TRANK1: variants seen among roughly 807,000 people sequenced by gnomAD.
The protein encoded by TRANK1 is TPR and ankyrin repeat-containing protein 1.
A neutral mutation model predicts 266.0 loss-of-function variants in TRANK1; 198 were observed. That is an observed-to-expected ratio of 0.74 (90% CI 0.66 to 0.84). The LOEUF (loss-of-function observed/expected upper bound fraction) is 0.84, where lower values mean the gene tolerates loss of function less well. TRANK1 is among the 40% of genes least tolerant of loss of function. TRANK1 has a pLI of 0.00. For synonymous variants in TRANK1, 1,396 were observed against 1,384.1 expected (o/e 1.01, Z -0.19); for missense variants, 3,326 against 3,634.6 (o/e 0.92, Z 2.18).
chr3:36,879,709 A>G (rs1310552914), intron 8 of TRANK1, among the ~76,000 whole-genome samples: 1 of 99,662 alleles, frequency 1.0e-5, no homozygotes, highest in Non-Finnish European at 1.8e-5. Flanking sequence ...TATAAATATA[A>G]ATATATAAAT....
In TRANK1 at chr3:36,942,482, C is replaced by CAAAAA. The variant is rs565174922; in HGVS notation, c.23+2300_23+2304dup. Among the ~76,000 whole-genome samples, 167 of 79,822 alleles carry CAAAAA rather than the reference C, an allele frequency of 2.1e-3. 4 individuals carry two copies. The highest frequency in any genetic ancestry group is 3.9e-3 in the African/African-American group (84 of 21,792). The allele number at this position is 79,822 out of a possible 152,430, so 52.4% of individuals were successfully genotyped here. On this transcript the variant is annotated intron_variant, in intron 1 of 23. Coordinates refer to ENST00000645898, the MANE Select transcript of TRANK1 (RefSeq NM_001329998.2). The stretch of plus-strand genomic sequence containing the variant: ...TGCAGCATCTTCCCTTCTTCTTCCT[C>CAAAAA]AAAAAAAAAAAAAAAAAAAAAAAAG...
At position 36,833,612 on chromosome 3, in the gene TRANK1, A is replaced by G; in HGVS notation, c.5971T>C (p.Cys1991Arg). The G allele has an allele frequency of 6.2e-7, 1 of 1,613,918 alleles. No homozygotes were observed. Among genetic ancestry groups the G allele is most frequent in the Non-Finnish European group, 8.5e-7 (1 of 1,179,858 alleles). ...LTADKDFQASCLLGAARLNVA... is the reference protein window; with the variant it reads ...LTADKDFQASRLLGAARLNVA... ...TTGAGGCGGGCGGCCCCCAGCAGAC[A>G]TGAGGCCTGGAAGTCCTTGTCGGCA... The change falls in exon 22 of 24, where the codon TGT becomes CGT. Residue 1991 changes from cysteine (C) to arginine (R), a missense_variant. Cys to Arg is a radical substitution (Grantham distance 180). Transcript: ENST00000645898.
rs993111158 is a variant in TRANK1, at chr3:36,857,128, T to G, written c.2594A>C (p.Gln865Pro). ...IKKKIILAIQ[Q>P]LGNGEWTQGL... ...CTGGGTCCACTCGCCATTTCCCAGC[T>G]GCTGAATGGCAAGGATGATTTTCTT... Residue 865 changes from glutamine to proline, a missense_variant, in exon 13 of 24, where the codon CAG becomes CCG. Coordinates refer to ENST00000645898, the MANE Select transcript of TRANK1 (RefSeq NM_001329998.2). This position sits in a 1 kb window ranked among gnomAD's most constrained non-coding sequence, Gnocchi z 4.3. 11 of 1,614,022 alleles carry G rather than the reference T, an allele frequency of 6.8e-6. No homozygotes were observed. Among genetic ancestry groups the G allele is most frequent in the Non-Finnish European group, 7.6e-6 (9 of 1,179,892 alleles).
intron 20 of TRANK1, among the ~76,000 whole-genome samples, chr3:36,837,004 C>T (rs2078779075): frequency 6.6e-6 from 1 of 152,234 alleles, no homozygotes; most frequent in Admixed American, 6.5e-5. Flanking sequence ...CAAGGCCCTA[C>T]TGATCTGGCC....
At chr3:36,885,701 A>AT (rs761808034) in intron 8 of TRANK1, among the ~76,000 whole-genome samples, 59 of 151,862 alleles carry the variant, frequency 3.9e-4, no homozygotes, top group Admixed American at 1.5e-3. Context: ...CACCCAGCTA[A>AT]TTTTTTTATG....
intron 1 of TRANK1, among the ~76,000 whole-genome samples, chr3:36,915,552 A>G (rs2080112559): frequency 6.6e-6 from 1 of 152,174 alleles, no homozygotes; most frequent in Non-Finnish European, 1.5e-5. Context: ...TATTATTCAT[A>G]TAGCATCTAC....
At chr3:36,918,639 G>GAAAGAAAGAAAGAAAGAA (rs373479495) in intron 1 of TRANK1, among the ~76,000 whole-genome samples, 9 of 129,924 alleles carry the variant, frequency 6.9e-5, no homozygotes, top group African/African-American at 2.1e-4. Flanking sequence ...AAGAAAGAAA[G>GAAAGAAAGAAAGAAAGAA]AGAAAGAAAG....
intron 1 of TRANK1, among the ~76,000 whole-genome samples, chr3:36,918,651 G>GAAAGAA (rs2080172635): frequency 2.7e-5 from 4 of 147,404 alleles, no homozygotes; most frequent in African/African-American, 5.1e-5. Flanking sequence ...GAAAGAAAGA[G>GAAAGAA]AGAGAGAGAA....
At chr3:36,843,002 G>T (rs1398486478) in intron 17 of TRANK1, among the ~76,000 whole-genome samples, 2 of 152,232 alleles carry the variant, frequency 1.3e-5, no homozygotes, top group Non-Finnish European at 2.9e-5. Flanking sequence ...GAAAGACCAC[G>T]TGAGGACACA....
upstream of TRANK1, among the ~76,000 whole-genome samples, chr3:36,945,491 G>A (rs1007223726): frequency 4.6e-5 from 7 of 152,170 alleles, no homozygotes; most frequent in Non-Finnish European, 1.0e-4. Context: ...CTCTGGGGAG[G>A]CTGGGGGTCC....
At chr3:36,907,114 C>T (rs982931321) in intron 2 of TRANK1, among the ~76,000 whole-genome samples, 1 of 152,106 alleles carries the variant, frequency 6.6e-6, no homozygotes, top group African/African-American at 2.4e-5. Context: ...GGAAAATATA[C>T]TTTAAAAATA....
In TRANK1 at chr3:36,944,981, C is replaced by A; in HGVS notation, c.-172G>T. On this transcript the variant is annotated 5_prime_UTR_variant, in exon 1 of 24. Transcript: ENST00000645898. ...CCCCAGCTGCCTGCGGCTCGGCTAC[C>A]CAGCCGCGATCAGAGGGGGCGGGGG... 1 of 562,898 alleles carries A rather than the reference C, an allele frequency of 1.8e-6. No individual in the cohort carries two copies. Among genetic ancestry groups the A allele is most frequent in the South Asian group, 3.2e-5 (1 of 31,366 alleles). The allele number at this position is 562,898 out of a possible 1,614,324, so 34.9% of individuals were successfully genotyped here.
chr3:36,859,280 T>A (rs1222004060), intron 11 of TRANK1, among the ~76,000 whole-genome samples: 1 of 151,974 alleles, frequency 6.6e-6, no homozygotes, highest in African/African-American at 2.4e-5. Flanking sequence ...CTTTTTTTTT[T>A]TTTTAATACT....
intron 4 of TRANK1, 64 bp from the exon 5 acceptor site, chr3:36,895,822 G>T (rs1281284018): frequency 4.5e-6 from 5 of 1,105,674 alleles, no homozygotes; most frequent in Non-Finnish European, 3.8e-6. Context: ...TTTGGGAAAA[G>T]GTCCTCCAAT....
chr3:36,922,151 A>AAAT (rs1212199159), intron 1 of TRANK1, among the ~76,000 whole-genome samples: 5 of 151,906 alleles, frequency 3.3e-5, no homozygotes, highest in Admixed American at 6.6e-5. Context: ...ATCTCAATAA[A>AAAT]AATAATAATA....
intron 5 of TRANK1, 39 bp downstream of exon 5, chr3:36,895,601 A>G: frequency 7.9e-7 from 1 of 1,264,180 alleles, no homozygotes; most frequent in Non-Finnish European, 1.1e-6. Context: ...TTTCATCAAG[A>G]ATGTACTCTC....
intron 16 of TRANK1, among the ~76,000 whole-genome samples, chr3:36,846,675 AT>A (rs1358786279): frequency 1.3e-5 from 2 of 151,902 alleles, no homozygotes; most frequent in Admixed American, 6.6e-5. Flanking sequence ...ATCAGCCATA[AT>A]TTTTTTTCCT....
In TRANK1 at chr3:36,832,936, C is replaced by A. The variant is rs377133700; in HGVS notation, c.6647G>T (p.Cys2216Phe). The A allele has an allele frequency of 6.2e-7, 1 of 1,612,986 alleles. No homozygotes were observed. Among genetic ancestry groups the A allele is most frequent in the Non-Finnish European group, 8.5e-7 (1 of 1,179,424 alleles). ...CGACTGAACTAAACACTTGGCTTCA[C>A]AACGCCGCAGAGGCCTGTGAAAATG... ...CEHFHRPLRR[C>F]EAKCLVQSKM... Residue 2216 changes from cysteine to phenylalanine, a missense_variant, in exon 22 of 24, where the codon TGT becomes TTT. Physicochemically the swap from Cys to Phe is radical, Grantham distance 205 (BLOSUM62 -2). Transcript: ENST00000645898.
In TRANK1 at chr3:36,832,122, G is replaced by A; in HGVS notation, c.7461C>T (p.His2487=). 6.2e-7 allele frequency: 1 copy of A among 1,614,002 alleles called. No homozygotes were observed. Among genetic ancestry groups the A allele is most frequent in the Non-Finnish European group, 8.5e-7 (1 of 1,179,896 alleles). The part of the protein sequence containing the change: ...CLPKSYIALL[H]YWEFLFSKKD... ...TCTTGCTAAACAGGAACTCCCAGTA[G>A]TGCAAGAGTGCAATGTAGCTCTTGG... The change falls in exon 22 of 24, where the codon CAC becomes CAT. Residue 2487 remains histidine, a synonymous_variant. Coordinates refer to ENST00000645898, the MANE Select transcript of TRANK1 (RefSeq NM_001329998.2).
Sources: allele counts gnomAD v4.1 joint callset (sites outside exome capture counted in the v4.1 genomes callset), GRCh38; gene constraint gnomAD v4.1.1; non-coding constraint Gnocchi (gnomAD v3.1); transcripts MANE v1.5; gene names NCBI Gene and HGNC (gene_info 2026-07-23, HGNC 2026-07-21).